SCLT1: variants seen among roughly 807,000 people sequenced by gnomAD.
The protein encoded by SCLT1 is sodium channel and clathrin linker 1.
Under a neutral mutation model 112.8 loss-of-function variants are expected in SCLT1, and 78 were observed. The ratio of observed to expected loss-of-function variants is 0.69; its 90% CI spans 0.58 to 0.83. SCLT1 has a LOEUF of 0.83. SCLT1 is among the 40% of genes least tolerant of loss of function. The probability of loss-of-function intolerance (pLI) is 0.00; values close to 1 mark genes in which losing one functional copy is unlikely to be tolerated. For synonymous variants in SCLT1, 257 were observed against 254.7 expected, an observed-to-expected ratio of 1.01 and a Z score of -0.09; for missense variants, 747 against 770.4, an observed-to-expected ratio of 0.97 and a Z score of 0.36.
intron 13 of SCLT1, among the ~76,000 whole-genome samples, chr4:128,953,627 T>C (rs894820248): frequency 6.6e-5 from 10 of 150,916 alleles, no homozygotes; most frequent in Non-Finnish European, 8.9e-5. Flanking sequence ...ACTCCGTCTC[T>C]ATAAAAAAAA....
At chr4:128,966,030 C>T (rs1057415401) in intron 10 of SCLT1, among the ~76,000 whole-genome samples, 2 of 151,592 alleles carry the variant, frequency 1.3e-5, no homozygotes, top group Non-Finnish European at 2.9e-5. Context: ...CAGGGTTTCA[C>T]CACATTGGCC....
chr4:129,058,238 A>G (rs1486981813), intron 2 of SCLT1, among the ~76,000 whole-genome samples: 2 of 151,946 alleles, frequency 1.3e-5, no homozygotes, highest in Non-Finnish European at 2.9e-5. Context: ...CTACTCTGAC[A>G]TTTATTATTT....
chr4:128,999,422 C>G (rs1205156634), intron 7 of SCLT1, among the ~76,000 whole-genome samples: 3 of 151,904 alleles, frequency 2.0e-5, no homozygotes, highest in Non-Finnish European at 2.9e-5. Context: ...TAAAGTTGCT[C>G]TTTAGCACTA....
chr4:128,899,105 G>A (rs1011798453), intron 18 of SCLT1, among the ~76,000 whole-genome samples: 2 of 152,168 alleles, frequency 1.3e-5, no homozygotes, highest in Non-Finnish European at 2.9e-5. Context: ...ACAAGGAGGA[G>A]CTGGTACCAT....
At position 129,032,751 on chromosome 4, in the gene SCLT1, A is replaced by G. The variant is rs144428592; in HGVS notation, c.290+6290T>C. On this transcript the variant is annotated intron_variant, in intron 5 of 20. Transcript: ENST00000281142. ...GAAAAAAAGCTCATGATCACTGGTC[A>G]TTAGAGAAATGCGAATCAGAACTAC... 7.0e-4 allele frequency among the ~76,000 whole-genome samples: 106 copies of G among 151,748 alleles called. 2 individuals are homozygous for G. The highest frequency in any genetic ancestry group is 2.5e-3 in the African/African-American group (103 of 41,546).
intron 18 of SCLT1, among the ~76,000 whole-genome samples, chr4:128,910,596 T>C (rs1735017302): frequency 6.6e-6 from 1 of 152,108 alleles, no homozygotes; most frequent in Non-Finnish European, 1.5e-5. Flanking sequence ...GATTAATCAC[T>C]TTTTCTTTTT....
chr4:128,902,455 T>C (rs1251578252), intron 18 of SCLT1, among the ~76,000 whole-genome samples: 2 of 152,208 alleles, frequency 1.3e-5, no homozygotes, highest in African/African-American at 4.8e-5. Context: ...AGCATGTTAC[T>C]GTAGTGAAGA....
At chr4:128,986,832 A>T (rs1267209113) in intron 9 of SCLT1, among the ~76,000 whole-genome samples, 3 of 152,182 alleles carry the variant, frequency 2.0e-5, no homozygotes, top group African/African-American at 7.2e-5. Context: ...GCCTTGGGTT[A>T]GCCCCGGTAT....
intron 5 of SCLT1, among the ~76,000 whole-genome samples, chr4:129,013,528 T>C (rs1744724785): frequency 6.6e-6 from 1 of 152,124 alleles, no homozygotes; most frequent in Admixed American, 6.5e-5. Context: ...CCTCAGCATT[T>C]GCTTGCCTGA....
intron 5 of SCLT1, among the ~76,000 whole-genome samples, chr4:129,015,282 G>A (rs1744890625): frequency 6.6e-6 from 1 of 152,070 alleles, no homozygotes; most frequent in Non-Finnish European, 1.5e-5. Context: ...TGGAGGGAGT[G>A]TGCAGGCTAG....
intron 19 of SCLT1, among the ~76,000 whole-genome samples, chr4:128,890,530 C>T (rs1028313268): frequency 2.6e-5 from 4 of 152,078 alleles, no homozygotes; most frequent in Non-Finnish European, 5.9e-5. Context: ...GAAATTCCAA[C>T]AAACATTTGA....
At chr4:128,963,675 T>G (rs911565247) in intron 11 of SCLT1, among the ~76,000 whole-genome samples, 1 of 152,216 alleles carries the variant, frequency 6.6e-6, no homozygotes, top group African/African-American at 2.4e-5. Context: ...TGCCCAAAAT[T>G]ACCACAAACA....
chr4:128,949,984 CTTTT>C (rs1738574519), intron 14 of SCLT1, among the ~76,000 whole-genome samples: 1 of 151,820 alleles, frequency 6.6e-6, no homozygotes, highest in Non-Finnish European at 1.5e-5. Flanking sequence ...AAGTAAGCTT[CTTTT>C]GTGACCCAAA....
chr4:128,966,984 G>C (rs547061030), intron 10 of SCLT1, among the ~76,000 whole-genome samples: 1 of 151,942 alleles, frequency 6.6e-6, no homozygotes, highest in African/African-American at 2.4e-5. Context: ...TACCTGATAG[G>C]TAGTTTTTCA....
At position 129,003,721 on chromosome 4, in the gene SCLT1, T is replaced by A; in HGVS notation, c.426+20A>T. The A allele has an allele frequency of 6.4e-7, 1 of 1,568,892 alleles. No homozygotes were observed. The highest frequency in any genetic ancestry group is 8.6e-7 in the Non-Finnish European group (1 of 1,160,010). On this transcript the variant is annotated intron_variant, in intron 6 of 20. Coordinates refer to ENST00000281142, the MANE Select transcript of SCLT1 (RefSeq NM_144643.4). The stretch of plus-strand genomic sequence containing the variant: ...GTATGTTAATTCAGAATATAATTTT[T>A]AAAAATACATGTCACTCACTTGATT...
chr4:128,962,182 C>A (rs1319846793), intron 11 of SCLT1, among the ~76,000 whole-genome samples: 1 of 152,176 alleles, frequency 6.6e-6, no homozygotes, highest in East Asian at 1.9e-4. Flanking sequence ...TGTAATTAAA[C>A]AGTTCATGCT....
rs72926090 is a variant in SCLT1, at chr4:129,087,218, C to A, written c.35-4845G>T. Among the ~76,000 whole-genome samples the A allele has an allele frequency of 4.8e-3, 732 of 152,206 alleles. 4 individuals are homozygous for A. The highest frequency in any genetic ancestry group is 0.016 in the African/African-American group (665 of 41,526). On this transcript the variant is annotated intron_variant, in intron 1 of 20. Coordinates refer to ENST00000281142, the MANE Select transcript of SCLT1 (RefSeq NM_144643.4). ...AGAAAGAACCCTAGGGAATGTGAGA[C>A]CTGCAGAGGTTCTTCTCGAGTACAA...
At chr4:128,945,375 C>A (rs1738060637) in intron 16 of SCLT1, among the ~76,000 whole-genome samples, 1 of 152,014 alleles carries the variant, frequency 6.6e-6, no homozygotes, top group Non-Finnish European at 1.5e-5. Flanking sequence ...ATCATATGAG[C>A]AGATTATCTG....
intron 2 of SCLT1, among the ~76,000 whole-genome samples, chr4:129,080,895 G>C (rs1004457002): frequency 5.3e-5 from 8 of 152,150 alleles, no homozygotes; most frequent in Admixed American, 3.9e-4. Context: ...AGTTTCTGGG[G>C]TGCCAGATGA....
Sources: gnomAD v4.1 joint callset for allele counts (sites outside exome capture counted in the v4.1 genomes callset) on GRCh38, gnomAD v4.1.1 for gene constraint, MANE v1.5 for transcripts, NCBI Gene and HGNC (gene_info 2026-07-23, HGNC 2026-07-21) for gene names.